The following FHIT variants were observed in gnomAD, a reference collection of about 807,000 sequenced individuals.
FHIT encodes the protein fragile histidine triad diadenosine triphosphatase.
Under a neutral mutation model 17.9 loss-of-function variants are expected in FHIT, and 19 were observed. That is an observed-to-expected ratio of 1.06 (90% CI 0.74 to 1.56). The LOEUF (loss-of-function observed/expected upper bound fraction) is 1.56, where lower values mean the gene tolerates loss of function less well. FHIT is among the 40% of genes most tolerant of loss of function. The pLI is 0.00. For missense variants in FHIT, 248 were observed against 189.2 expected (o/e 1.31, Z -1.82); for synonymous variants, 81 against 69.7 (o/e 1.16, Z -0.81).
chr3:60,567,794 A>C (rs1317993330), intron 4 of FHIT, among the ~76,000 whole-genome samples: 10 of 152,232 alleles, frequency 6.6e-5, no homozygotes, highest in African/African-American at 9.6e-5. Flanking sequence ...AAAGTGGGTG[A>C]AGGATATGAA....
chr3:59,979,819 G>A (rs990643910), intron 7 of FHIT, among the ~76,000 whole-genome samples: 3 of 152,038 alleles, frequency 2.0e-5, no homozygotes, highest in East Asian at 1.9e-4. Context: ...GAAACTGAGC[G>A]TCACCATCCT....
intron 5 of FHIT, among the ~76,000 whole-genome samples, chr3:60,205,119 C>G (rs1357107191): frequency 6.6e-6 from 1 of 151,610 alleles, no homozygotes; most frequent in Non-Finnish European, 1.5e-5. Context: ...ATTATATGAG[C>G]TTTTTGTACA....
intron 5 of FHIT, among the ~76,000 whole-genome samples, chr3:60,439,501 C>T (rs774765188): frequency 6.6e-5 from 10 of 152,042 alleles, no homozygotes; most frequent in Non-Finnish European, 1.0e-4. Context: ...CAGAACCCTG[C>T]TTTTAGTTTT....
intron 4 of FHIT, among the ~76,000 whole-genome samples, chr3:60,800,458 C>T (rs2106657878): frequency 6.6e-6 from 1 of 152,278 alleles, no homozygotes; most frequent in East Asian, 1.9e-4. Flanking sequence ...CCCCATCTGA[C>T]TCTTACATCC....
intron 3 of FHIT, among the ~76,000 whole-genome samples, chr3:60,861,539 C>T (rs1182756945): frequency 6.6e-6 from 1 of 151,718 alleles, no homozygotes; most frequent in African/African-American, 2.4e-5. Flanking sequence ...AAAATCGCCT[C>T]CGATTGAGAA....
At chr3:60,227,249 T>C (rs543449768) in intron 5 of FHIT, among the ~76,000 whole-genome samples, 2 of 152,302 alleles carry the variant, frequency 1.3e-5, no homozygotes, top group Admixed American at 6.5e-5. Flanking sequence ...CCAAGATTCT[T>C]AATAAAATCA....
chr3:60,310,260 G>C (rs185010600), intron 5 of FHIT, among the ~76,000 whole-genome samples: 86 of 152,228 alleles, frequency 5.6e-4, no homozygotes, highest in South Asian at 4.8e-3. Context: ...GTTGACATCT[G>C]CCTCTCTGTT....
intron 4 of FHIT, among the ~76,000 whole-genome samples, chr3:60,799,277 C>T (rs768901453): frequency 6.6e-6 from 1 of 152,092 alleles, no homozygotes; most frequent in Non-Finnish European, 1.5e-5. Flanking sequence ...CAGGTTCAAG[C>T]GATTCTCCTG....
At chr3:60,423,323 C>T (rs1432324546) in intron 5 of FHIT, among the ~76,000 whole-genome samples, 1 of 152,124 alleles carries the variant, frequency 6.6e-6, no homozygotes, top group Non-Finnish European at 1.5e-5. Flanking sequence ...AAACAAATTC[C>T]TTTCACAGTT....
intron 1 of FHIT, among the ~76,000 whole-genome samples, chr3:61,234,828 A>C (rs2040190443): frequency 6.6e-6 from 1 of 152,234 alleles, no homozygotes; most frequent in African/African-American, 2.4e-5. Flanking sequence ...AACAAGAAAC[A>C]ATTTATTTTT....
chr3:60,477,098 A>C (rs1187778803), intron 5 of FHIT, among the ~76,000 whole-genome samples: 1 of 151,408 alleles, frequency 6.6e-6, no homozygotes, highest in African/African-American at 2.4e-5. Context: ...AACAATCACC[A>C]CCTTTTTTTC....
At chr3:59,933,781 T>G (rs1706088466) in intron 7 of FHIT, among the ~76,000 whole-genome samples, 1 of 152,190 alleles carries the variant, frequency 6.6e-6, no homozygotes. Flanking sequence ...CCCTAACTAG[T>G]AGTATAGTTC....
chr3:59,918,948 C>T (rs567451965), intron 8 of FHIT, among the ~76,000 whole-genome samples: 1 of 152,122 alleles, frequency 6.6e-6, no homozygotes, highest in South Asian at 2.1e-4. Context: ...AGGAAGTAGG[C>T]TGGGAATGAG....
intron 4 of FHIT, chr3:60,732,580 G>A (rs2042052398): frequency 5.1e-6 from 3 of 592,774 alleles, no homozygotes; most frequent in Middle Eastern, 2.9e-4. Context: ...CGAAGGAGAC[G>A]CGGCCCAAGG....
At chr3:60,634,662 A>C (rs1021312379) in intron 4 of FHIT, among the ~76,000 whole-genome samples, 2 of 152,314 alleles carry the variant, frequency 1.3e-5, no homozygotes, top group South Asian at 4.1e-4. Context: ...CTGATGCTGC[A>C]GACGAGCACC....
chr3:61,084,918 G>A (rs1188122212), intron 2 of FHIT, among the ~76,000 whole-genome samples: 1 of 152,146 alleles, frequency 6.6e-6, no homozygotes, highest in Non-Finnish European at 1.5e-5. Context: ...ATTCTTTTGT[G>A]TCTGGATTCT....
At chr3:60,108,189 G>A (rs1200272681) in intron 5 of FHIT, among the ~76,000 whole-genome samples, 2 of 152,108 alleles carry the variant, frequency 1.3e-5, no homozygotes, top group African/African-American at 2.4e-5. Flanking sequence ...TCCACTTCGG[G>A]GTTATTTCCA....
chr3:59,913,461 T>A (rs1016276181), intron 8 of FHIT, among the ~76,000 whole-genome samples: 1 of 152,198 alleles, frequency 6.6e-6, no homozygotes, highest in Non-Finnish European at 1.5e-5. Context: ...CATAGATATT[T>A]ACTCTCTGCA....
chr3:61,142,063 T>C (rs1038794814), intron 2 of FHIT, among the ~76,000 whole-genome samples: 3 of 151,556 alleles, frequency 2.0e-5, no homozygotes, highest in African/African-American at 7.2e-5. Flanking sequence ...AAGCTTCACT[T>C]GCTTTTTACA....
Sources: gnomAD v4.1 joint callset for allele counts (sites outside exome capture counted in the v4.1 genomes callset) on GRCh38, gnomAD v4.1.1 for gene constraint, MANE v1.5 for transcripts, NCBI Gene and HGNC (gene_info 2026-07-23, HGNC 2026-07-21) for gene names.